Variants in PLCL1 observed in about 807,000 individuals in gnomAD.
The protein encoded by PLCL1 is phospholipase C like 1 (inactive).
In PLCL1, 41 loss-of-function variants were observed where a neutral mutation model predicts 84.4. The ratio of observed to expected loss-of-function variants is 0.49; its 90% CI spans 0.38 to 0.63. PLCL1 has a LOEUF of 0.63. PLCL1 is among the 30% of genes least tolerant of loss of function. The pLI is 0.00. For synonymous variants in PLCL1, 490 were observed against 488.3 expected, an observed-to-expected ratio of 1.00 and a Z score of -0.05; for missense variants, 1,206 against 1,367.8, an observed-to-expected ratio of 0.88 and a Z score of 1.87.
intron 5 of PLCL1, among the ~76,000 whole-genome samples, chr2:198,124,297 C>T (rs1456082284): frequency 6.6e-6 from 1 of 152,104 alleles, no homozygotes. Context: ...CTGCCTTTCC[C>T]AGATATACCT....
intron 1 of PLCL1, among the ~76,000 whole-genome samples, chr2:198,041,954 G>A (rs1190021011): frequency 1.3e-5 from 2 of 152,310 alleles, no homozygotes; most frequent in South Asian, 4.1e-4. Context: ...TCCTTGATAA[G>A]TGAACCTCAA....
intron 1 of PLCL1, among the ~76,000 whole-genome samples, chr2:197,997,401 A>C (rs1400197535): frequency 6.6e-6 from 1 of 152,228 alleles, no homozygotes; most frequent in African/African-American, 2.4e-5. Context: ...TGATCTGCTG[A>C]GGTCGGCTTC....
chr2:197,998,039 G>A (rs1690507667), intron 1 of PLCL1, among the ~76,000 whole-genome samples: 1 of 152,254 alleles, frequency 6.6e-6, no homozygotes, highest in East Asian at 1.9e-4. Flanking sequence ...GGAGGAGAAA[G>A]CATGAGGGCT....
At chr2:197,815,140 C>G (rs1191926744) in intron 1 of PLCL1, among the ~76,000 whole-genome samples, 1 of 152,162 alleles carries the variant, frequency 6.6e-6, no homozygotes, top group African/African-American at 2.4e-5. Flanking sequence ...GCAGTGAAAT[C>G]AATGCCTGGC....
chr2:198,003,970 G>A (rs1437504595), intron 1 of PLCL1, among the ~76,000 whole-genome samples: 1 of 152,050 alleles, frequency 6.6e-6, no homozygotes, highest in Admixed American at 6.6e-5. Context: ...AAAGTGAAGT[G>A]ATTAATATTA....
intron 1 of PLCL1, among the ~76,000 whole-genome samples, chr2:197,866,010 CAAAAAAA>C (rs1171570991): frequency 1.5e-3 from 18 of 11,920 alleles, no homozygotes; most frequent in Non-Finnish European, 1.9e-3. Flanking sequence ...AACCTATCTC[CAAAAAAA>C]AAAAAAAAAA....
chr2:197,996,461 T>C (rs1186865170), intron 1 of PLCL1, among the ~76,000 whole-genome samples: 1 of 152,152 alleles, frequency 6.6e-6, no homozygotes, highest in Non-Finnish European at 1.5e-5. Context: ...TAATAATGTA[T>C]CAATATTGGT....
chr2:198,075,013 T>C (rs1488495767), intron 1 of PLCL1, among the ~76,000 whole-genome samples: 2 of 152,220 alleles, frequency 1.3e-5, no homozygotes, highest in African/African-American at 2.4e-5. Flanking sequence ...GTATTAGCCA[T>C]GTAGGTATTA....
chr2:198,126,981 T>C (rs1034239252), intron 5 of PLCL1, among the ~76,000 whole-genome samples: 19 of 136,424 alleles, frequency 1.4e-4, no homozygotes, highest in African/African-American at 4.6e-4. Context: ...GTACAGTGAA[T>C]GAGTGTGTGA....
At chr2:198,013,202 G>A (rs938761375) in intron 1 of PLCL1, among the ~76,000 whole-genome samples, 14 of 152,012 alleles carry the variant, frequency 9.2e-5, no homozygotes, top group African/African-American at 3.1e-4. Flanking sequence ...TCTCTCAGGG[G>A]CATTGGTCCA....
chr2:197,957,985 C>G (rs1689525267), intron 1 of PLCL1, among the ~76,000 whole-genome samples: 1 of 151,980 alleles, frequency 6.6e-6, no homozygotes, highest in African/African-American at 2.4e-5. Flanking sequence ...GCAAAGTGAT[C>G]CCAAGTTTAT....
intron 1 of PLCL1, among the ~76,000 whole-genome samples, chr2:197,980,645 T>G (rs1455213919): frequency 6.6e-6 from 1 of 152,148 alleles, no homozygotes; most frequent in Non-Finnish European, 1.5e-5. Flanking sequence ...TTCTATGTAC[T>G]GGGAAGTCTC....
chr2:198,012,286 T>G (rs1319641756), intron 1 of PLCL1, among the ~76,000 whole-genome samples: 1 of 152,122 alleles, frequency 6.6e-6, no homozygotes, highest in East Asian at 1.9e-4. Flanking sequence ...ATCCTATTCT[T>G]GGAGGGACAG....
At chr2:197,895,189 C>CA (rs1357118401) in intron 1 of PLCL1, among the ~76,000 whole-genome samples, 1 of 151,840 alleles carries the variant, frequency 6.6e-6, no homozygotes, top group Non-Finnish European at 1.5e-5. Context: ...TACTCTCTAC[C>CA]AAGAATAAAA....
At chr2:197,988,476 G>T (rs1287062473) in intron 1 of PLCL1, among the ~76,000 whole-genome samples, 2 of 152,120 alleles carry the variant, frequency 1.3e-5, no homozygotes, top group Non-Finnish European at 2.9e-5. Flanking sequence ...TACAGTATTT[G>T]ATTTTCCATT....
chr2:197,894,160 G>A (rs371972531), intron 1 of PLCL1, among the ~76,000 whole-genome samples: 1 of 151,832 alleles, frequency 6.6e-6, no homozygotes, highest in East Asian at 1.9e-4. Flanking sequence ...TCTATCCCCT[G>A]TCCATGCCCC....
intron 1 of PLCL1, among the ~76,000 whole-genome samples, chr2:197,923,073 C>T (rs1271445741): frequency 2.7e-4 from 35 of 132,044 alleles, no homozygotes; most frequent in African/African-American, 8.9e-4. Flanking sequence ...GCTGGCCGGG[C>T]GGAGGGCTGA....
chr2:198,017,508 A>G (rs375672876), intron 1 of PLCL1, among the ~76,000 whole-genome samples: 1 of 152,234 alleles, frequency 6.6e-6, no homozygotes, highest in East Asian at 1.9e-4. Context: ...TAAAGAATGA[A>G]AGGACAAAAA....
At chr2:198,089,953 A>G (rs1692980600) in intron 3 of PLCL1, among the ~76,000 whole-genome samples, 1 of 152,206 alleles carries the variant, frequency 6.6e-6, no homozygotes, top group African/African-American at 2.4e-5. Context: ...CAAGAATTTA[A>G]GCAAATGGAT....
Sources: allele counts gnomAD v4.1 joint callset (sites outside exome capture counted in the v4.1 genomes callset), GRCh38; gene constraint gnomAD v4.1.1; transcripts MANE v1.5; gene names NCBI Gene and HGNC (gene_info 2026-07-23, HGNC 2026-07-21).